The following RSPO2 variants were observed in gnomAD, a reference collection of about 807,000 sequenced individuals.
The protein encoded by RSPO2 is R-spondin 2, also known as R-spondin-2.
A neutral mutation model predicts 30.9 loss-of-function variants in RSPO2; 14 were observed. The observed-to-expected ratio is 0.45, with a 90% CI of 0.30 to 0.71. The LOEUF (loss-of-function observed/expected upper bound fraction) is 0.71, where lower values mean the gene tolerates loss of function less well. Ranked by LOEUF, RSPO2 falls within the 30% of genes least tolerant of loss-of-function variation. The pLI is 0.08. For missense variants in RSPO2, 264 were observed against 301.9 expected, an observed-to-expected ratio of 0.87 and a Z score of 0.93; for synonymous variants, 107 against 96.4, an observed-to-expected ratio of 1.11 and a Z score of -0.64.
chr8:108,058,583 C>T (rs1269413600), intron 2 of RSPO2, among the ~76,000 whole-genome samples: 1 of 151,580 alleles, frequency 6.6e-6, no homozygotes, highest in African/African-American at 2.4e-5. Context: ...CATCACACTA[C>T]CTGACTTCAA....
At chr8:107,980,839 C>G (rs1814404269) in intron 3 of RSPO2, among the ~76,000 whole-genome samples, 2 of 152,202 alleles carry the variant, frequency 1.3e-5, no homozygotes, top group African/African-American at 4.8e-5. Context: ...CCTTCTATAA[C>G]TGTGCAAAAT....
chr8:107,997,315 C>G (rs1420015516), intron 2 of RSPO2: 1 of 154,014 alleles, frequency 6.5e-6, no homozygotes, highest in Non-Finnish European at 1.4e-5. Context: ...TTGAATGGCT[C>G]TGCCCATTGC....
intron 3 of RSPO2, among the ~76,000 whole-genome samples, chr8:107,976,604 C>A (rs1173708125): frequency 6.6e-6 from 1 of 152,138 alleles, no homozygotes; most frequent in Non-Finnish European, 1.5e-5. Context: ...GAGCAATGAT[C>A]TCACAGTCTC....
chr8:107,937,427 C>A (rs932714810), intron 5 of RSPO2, among the ~76,000 whole-genome samples: 6 of 152,080 alleles, frequency 3.9e-5, no homozygotes, highest in Non-Finnish European at 8.8e-5. Context: ...TAATGTTAAA[C>A]CTCACGAGCC....
chr8:107,997,651 G>A (rs1181663132), intron 2 of RSPO2, among the ~76,000 whole-genome samples: 1 of 152,076 alleles, frequency 6.6e-6, no homozygotes, highest in African/African-American at 2.4e-5. Context: ...CTGAAACAAG[G>A]TAACACTACC....
intron 5 of RSPO2, among the ~76,000 whole-genome samples, chr8:107,954,971 T>C (rs1208556157): frequency 1.3e-5 from 2 of 152,188 alleles, no homozygotes; most frequent in East Asian, 3.9e-4. Flanking sequence ...TAAATCAGTC[T>C]GCTATATTGG....
At chr8:108,036,947 G>T (rs1367769359) in intron 2 of RSPO2, among the ~76,000 whole-genome samples, 1 of 152,146 alleles carries the variant, frequency 6.6e-6, no homozygotes, top group Non-Finnish European at 1.5e-5. Context: ...AATCAATGTT[G>T]TGTGTTCTGA....
At chr8:107,942,138 G>A (rs902680658) in intron 5 of RSPO2, among the ~76,000 whole-genome samples, 2 of 152,110 alleles carry the variant, frequency 1.3e-5, no homozygotes, top group Non-Finnish European at 2.9e-5. Flanking sequence ...GTCTCCCCAA[G>A]AACCTCCAAG....
At chr8:108,069,880 C>T (rs11774185) in intron 2 of RSPO2, among the ~76,000 whole-genome samples, 46,029 of 151,936 alleles carry the variant, frequency 0.3, 7,800 homozygotes, top group African/African-American at 0.46. Context: ...CTATTATGCC[C>T]TCATAGGTGT....
chr8:107,943,061 T>G (rs191340765), intron 5 of RSPO2, among the ~76,000 whole-genome samples: 1 of 152,334 alleles, frequency 6.6e-6, no homozygotes, highest in Non-Finnish European at 1.5e-5. Flanking sequence ...ATCAGGCTGC[T>G]TAAGCAGCAG....
intron 2 of RSPO2, among the ~76,000 whole-genome samples, chr8:108,076,273 A>G (rs1386711765): frequency 2.0e-5 from 3 of 152,212 alleles, no homozygotes; most frequent in Non-Finnish European, 4.4e-5. Flanking sequence ...GGGAACGCTG[A>G]CTGCTATAGA....
At chr8:107,906,980 C>T (rs1004205263) in intron 5 of RSPO2, among the ~76,000 whole-genome samples, 1 of 151,598 alleles carries the variant, frequency 6.6e-6, no homozygotes, top group Non-Finnish European at 1.5e-5. Flanking sequence ...AAATGCACAA[C>T]CAATACATAT....
chr8:107,991,830 A>G (rs1196774606), intron 2 of RSPO2, among the ~76,000 whole-genome samples: 2 of 152,194 alleles, frequency 1.3e-5, no homozygotes, highest in African/African-American at 4.8e-5. Flanking sequence ...AGAAATCACA[A>G]TGAGATACCA....
At chr8:107,935,697 C>T (rs1812702131) in intron 5 of RSPO2, among the ~76,000 whole-genome samples, 2 of 152,246 alleles carry the variant, frequency 1.3e-5, no homozygotes, top group South Asian at 2.1e-4. Flanking sequence ...TGGAACAATA[C>T]TACTTTATGG....
chr8:107,901,226 A>G, intron 5 of RSPO2, 36 bp from the exon 6 acceptor site: 1 of 1,580,474 alleles, frequency 6.3e-7, no homozygotes, highest in Non-Finnish European at 8.6e-7. Context: ...GATGTCAGAA[A>G]TGGCTCTTTC....
At chr8:108,025,545 A>G (rs1811191321) in intron 2 of RSPO2, among the ~76,000 whole-genome samples, 1 of 152,146 alleles carries the variant, frequency 6.6e-6, no homozygotes, top group African/African-American at 2.4e-5. Flanking sequence ...TTATTCTTTG[A>G]GATATATCTC....
At chr8:107,969,764 A>T (rs186766285) in intron 3 of RSPO2, among the ~76,000 whole-genome samples, 3 of 152,320 alleles carry the variant, frequency 2.0e-5, no homozygotes, top group African/African-American at 7.2e-5. Context: ...AGTTTCAAAA[A>T]TTGTAAACCA....
chr8:107,902,814 T>C (rs1400714920), intron 5 of RSPO2, among the ~76,000 whole-genome samples: 1 of 152,086 alleles, frequency 6.6e-6, no homozygotes, highest in Non-Finnish European at 1.5e-5. Context: ...TAATAGGACA[T>C]TGCATTAAAA....
chr8:108,081,736 A>T (rs1813204468), intron 2 of RSPO2: 1 of 193,144 alleles, frequency 5.2e-6, no homozygotes. Context: ...CGCTACGCAC[A>T]AGTGATGGAG....
Sources: gnomAD v4.1 joint callset for allele counts (sites outside exome capture counted in the v4.1 genomes callset) on GRCh38, gnomAD v4.1.1 for gene constraint, MANE v1.5 for transcripts, NCBI Gene and HGNC (gene_info 2026-07-23, HGNC 2026-07-21) for gene names.